Variants in TNIP2 observed in about 807,000 individuals in gnomAD.
TNIP2 encodes TNFAIP3 interacting protein 2, also known as TNFAIP3-interacting protein 2.
In TNIP2, 30 loss-of-function variants were observed where a neutral mutation model predicts 43.7. The ratio of observed to expected loss-of-function variants is 0.69; its 90% CI spans 0.51 to 0.93. The LOEUF (loss-of-function observed/expected upper bound fraction) is 0.93. TNIP2 is among the 40% of genes least tolerant of loss of function. The pLI is 0.00. For missense variants in TNIP2, 599 were observed against 591.0 expected (o/e 1.01, Z -0.14); for synonymous variants, 260 against 254.6 (o/e 1.02, Z -0.20).
chr4:2,749,333 A>G (rs1306181959), intron 1 of TNIP2, among the ~76,000 whole-genome samples: 2 of 152,198 alleles, frequency 1.3e-5, no homozygotes, highest in Non-Finnish European at 2.9e-5. Flanking sequence ...TAGAAACTCC[A>G]CTGTGGTGGG....
intron 1 of TNIP2, among the ~76,000 whole-genome samples, chr4:2,754,641 C>T (rs1469022688): frequency 1.3e-5 from 2 of 152,260 alleles, no homozygotes; most frequent in Admixed American, 6.5e-5. Context: ...TGGTCTCAAT[C>T]TCCTGACCTC....
At chr4:2,746,346 CTTAT>C (rs1276693520) in intron 2 of TNIP2, among the ~76,000 whole-genome samples, 1 of 152,186 alleles carries the variant, frequency 6.6e-6, no homozygotes, top group African/African-American at 2.4e-5. Context: ...AGAAGTGACA[CTTAT>C]TTAGAGACTG....
chr4:2,746,186 A>G (rs1721943242), intron 2 of TNIP2: 1 of 152,440 alleles, frequency 6.6e-6, no homozygotes, highest in Admixed American at 6.5e-5. Flanking sequence ...GCTGAATGAA[A>G]AGTCTCCTGA....
intron 1 of TNIP2, among the ~76,000 whole-genome samples, chr4:2,750,294 C>G (rs946490812): frequency 6.6e-6 from 1 of 152,058 alleles, no homozygotes; most frequent in African/African-American, 2.4e-5. Context: ...AGGGTCCAGC[C>G]TCTGTGTCTA....
In TNIP2 at chr4:2,742,434, C is replaced by G. The variant is rs867013181; in HGVS notation, c.1113G>C (p.Val371=). ...CAGTCCCAGGCCTCCAGCCACCAGGCACCATAAGCTCTAATGCGTCGGCGG... is the reference window on the plus strand; with the variant it reads ...CAGTCCCAGGCCTCCAGCCACCAGGGACCATAAGCTCTAATGCGTCGGCGG... ...YLAADALELM[V]PGGWRPGTGS... The change falls in exon 6 of 6, where the codon GTG becomes GTC. Residue 371 remains valine, a synonymous_variant. Coordinates refer to ENST00000315423, the MANE Select transcript of TNIP2 (RefSeq NM_024309.4). The G allele has an allele frequency of 1.2e-6, 2 of 1,612,924 alleles. No homozygotes were observed. Among genetic ancestry groups the G allele is most frequent in the Admixed American group, 3.3e-5 (2 of 59,896 alleles).
chr4:2,753,256 C>T (rs1028414168), intron 1 of TNIP2, among the ~76,000 whole-genome samples: 1 of 151,404 alleles, frequency 6.6e-6, no homozygotes, highest in African/African-American at 2.4e-5. Context: ...CTGGGCGACA[C>T]AGCAAGATCC....
intron 1 of TNIP2, 148 bp downstream of exon 1, chr4:2,755,866 C>T: frequency 1.7e-6 from 2 of 1,157,562 alleles, no homozygotes; most frequent in South Asian, 4.2e-5. Flanking sequence ...CTCCCCCAAC[C>T]CCTCAGGACC....
intron 1 of TNIP2, among the ~76,000 whole-genome samples, chr4:2,751,827 C>T (rs1270184581): frequency 6.8e-6 from 1 of 146,612 alleles, no homozygotes; most frequent in African/African-American, 2.5e-5. Flanking sequence ...GGAAGGTGGC[C>T]CGGGGCGGTG....
chr4:2,751,971 G>T (rs190183823), intron 1 of TNIP2, among the ~76,000 whole-genome samples: 385 of 152,016 alleles, frequency 2.5e-3, no homozygotes, highest in African/African-American at 8.2e-3. Context: ...CAGGCGTGCT[G>T]GTGGGCGCCT....
In TNIP2 at chr4:2,755,489, C is replaced by T. The variant is rs1052461694; in HGVS notation, c.276+525G>A. ...TCCCAACCCCCCAGGATCCAGCATTCGCTTATCCCCTTCAGAACCTTGCAC... is the reference window on the plus strand; with the variant it reads ...TCCCAACCCCCCAGGATCCAGCATTTGCTTATCCCCTTCAGAACCTTGCAC... On this transcript the variant is annotated intron_variant, in intron 1 of 5. Coordinates refer to ENST00000315423, the MANE Select transcript of TNIP2 (RefSeq NM_024309.4). 2.7e-4 allele frequency among the ~76,000 whole-genome samples: 38 copies of T among 138,740 alleles called. 1 individual carries two copies. Among genetic ancestry groups the T allele is most frequent in the African/African-American group, 1.0e-3 (37 of 36,854 alleles). The allele number at this position is 138,740 out of a possible 152,430, so 91.0% of individuals were successfully genotyped here. A position where few individuals can be genotyped will look rare whatever the true frequency, so the allele number is the denominator to read the frequency against.
chr4:2,752,627 C>G (rs1378696397), intron 1 of TNIP2, among the ~76,000 whole-genome samples: 2 of 152,208 alleles, frequency 1.3e-5, no homozygotes, highest in Admixed American at 6.5e-5. Flanking sequence ...GTCTTTAACT[C>G]TGCACTGCCA....
chr4:2,752,995 T>C (rs962399570), intron 1 of TNIP2, among the ~76,000 whole-genome samples: 1 of 151,538 alleles, frequency 6.6e-6, no homozygotes, highest in South Asian at 2.1e-4. Flanking sequence ...AGCCCAGGAG[T>C]TCAAGGTTAC....
intron 1 of TNIP2, among the ~76,000 whole-genome samples, chr4:2,754,614 C>T (rs1272835315): frequency 6.6e-6 from 1 of 152,248 alleles, no homozygotes; most frequent in Non-Finnish European, 1.5e-5. Context: ...GATGGGTTTT[C>T]ACCATGTTAG....
chr4:2,744,867 T>C lies in TNIP2; in HGVS notation c.736A>G (p.Arg246Gly). Reference sequence around the variant, plus strand: ...GGCTCGTGGGGGATCTGCAGCCCCCTGAGCTGCGCATGGAGCCCCCTCACG... The same window carrying C: ...GGCTCGTGGGGGATCTGCAGCCCCCCGAGCTGCGCATGGAGCCCCCTCACG... ...EYVRGLHAQL[R>G]GLQIPHEPEL... Residue 246 changes from arginine to glycine, a missense_variant, in exon 4 of 6, where the codon AGG (arginine) becomes GGG (glycine). By Grantham distance (125) the Arg-to-Gly change is moderately radical (BLOSUM62 -2). Coordinates refer to ENST00000315423, the MANE Select transcript of TNIP2 (RefSeq NM_024309.4). The surrounding 1 kb of genome is among the most constrained non-coding windows in gnomAD (Gnocchi z 5.1). 2 of 1,613,994 alleles carry C rather than the reference T, an allele frequency of 1.2e-6. No homozygotes were observed. Among genetic ancestry groups the C allele is most frequent in the Non-Finnish European group, 1.7e-6 (2 of 1,180,006 alleles).
intron 3 of TNIP2, 48 bp downstream of exon 3, chr4:2,745,398 G>A: frequency 7.1e-7 from 1 of 1,407,748 alleles, no homozygotes; most frequent in Non-Finnish European, 1.0e-6. Flanking sequence ...CTCACTTACA[G>A]TTTGTAAGCC....
intron 2 of TNIP2, among the ~76,000 whole-genome samples, chr4:2,746,956 G>A (rs975346592): frequency 2.0e-5 from 3 of 152,172 alleles, no homozygotes; most frequent in African/African-American, 7.2e-5. Flanking sequence ...TCTCCCACTA[G>A]ACCCCACAGA....
chr4:2,752,197 G>A (rs1722121170), intron 1 of TNIP2, among the ~76,000 whole-genome samples: 1 of 152,150 alleles, frequency 6.6e-6, no homozygotes, highest in African/African-American at 2.4e-5. Flanking sequence ...GCAAAGCTAA[G>A]CTAAGCCGGA....
chr4:2,748,367 G>A (rs931214558), intron 1 of TNIP2, among the ~76,000 whole-genome samples: 8 of 151,848 alleles, frequency 5.3e-5, no homozygotes, highest in African/African-American at 1.9e-4. Flanking sequence ...TTTTGAGACG[G>A]AGTCTCGCTC....
At chr4:2,750,892 A>G (rs1722084707) in intron 1 of TNIP2, among the ~76,000 whole-genome samples, 1 of 152,198 alleles carries the variant, frequency 6.6e-6, no homozygotes, top group South Asian at 2.1e-4. Flanking sequence ...CACAGCTCGT[A>G]GATCCTGAGG....
Sources: gnomAD v4.1 joint callset for allele counts (sites outside exome capture counted in the v4.1 genomes callset) on GRCh38, gnomAD v4.1.1 for gene constraint, Gnocchi (gnomAD v3.1) non-coding constraint, MANE v1.5 for transcripts, NCBI Gene and HGNC (gene_info 2026-07-23, HGNC 2026-07-21) for gene names.